The following ARHGEF37 variants were observed in gnomAD, a reference collection of about 807,000 sequenced individuals.
The protein encoded by ARHGEF37 is Rho guanine nucleotide exchange factor (GEF) 37.
A neutral mutation model predicts 71.1 loss-of-function variants in ARHGEF37; 55 were observed. The ratio of observed to expected loss-of-function variants is 0.77; its 90% confidence interval spans 0.62 to 0.97. ARHGEF37 has a LOEUF of 0.97. Ranked by LOEUF, ARHGEF37 falls within the 50% of genes least tolerant of loss-of-function variation. The pLI, the probability that ARHGEF37 is intolerant of heterozygous loss-of-function variation, is 0.00. For synonymous variants in ARHGEF37, 327 were observed against 350.6 expected (o/e 0.93, Z 0.75); for missense variants, 765 against 836.8 (o/e 0.91, Z 1.06).
chr5:149,556,653 C>T (rs1163698851), intron 1 of ARHGEF37, among the ~76,000 whole-genome samples: 2 of 152,086 alleles, frequency 1.3e-5, no homozygotes, highest in African/African-American at 4.8e-5. Flanking sequence ...TCCCAAAGTG[C>T]TGGGATTACA....
chr5:149,602,883 C>T lies in ARHGEF37; in HGVS notation c.310+1652C>T, dbSNP rs1260944989. Among the ~76,000 whole-genome samples, 3 of 152,100 alleles carry T rather than the reference C, an allele frequency of 2.0e-5. No homozygotes were observed. The East Asian group carries it at 5.8e-4, about 29-fold the overall frequency. On this transcript the variant is annotated intron_variant, in intron 3 of 12. Transcript: ENST00000333677. ...TACACCACCAATCTTCTAACCTTTC[C>T]TGAACACGAATGATGAGGATGCAGA...
chr5:149,568,227 A>G (rs759022554), intron 1 of ARHGEF37, among the ~76,000 whole-genome samples: 1 of 152,030 alleles, frequency 6.6e-6, no homozygotes, highest in Non-Finnish European at 1.5e-5. Context: ...GGGTTTCGCC[A>G]TATTGCCTAG....
Position 149,627,267 on chromosome 5 carries a change from C to CG in ARHGEF37, c.1660+1dup, listed in dbSNP as rs777034723. 6.2e-6 allele frequency: 10 copies of CG among 1,612,944 alleles called. No individual in the cohort carries two copies. The East Asian group carries it at 2.0e-4, about 32-fold the overall frequency. ...ACAGCGGCCGCTGGCTGGTGGACAC[C>CG]GGGGGTACGTGAGCCTTTGGGAGCC... On this transcript the variant is annotated frameshift_variant, in exon 11 of 13. Transcript: ENST00000333677. LOFTEE classifies it high-confidence loss of function.
intron 1 of ARHGEF37, among the ~76,000 whole-genome samples, chr5:149,569,612 AC>A (rs1298475767): frequency 1.3e-5 from 2 of 150,124 alleles, no homozygotes; most frequent in Admixed American, 1.3e-4. Context: ...GAGCCACCAC[AC>A]CCGGCCTTAT....
chr5:149,584,038 G>T (rs1763171866), intron 1 of ARHGEF37, among the ~76,000 whole-genome samples: 3 of 152,162 alleles, frequency 2.0e-5, no homozygotes, highest in Admixed American at 1.3e-4. Context: ...GGGATTACAG[G>T]CATGAGCCAC....
intron 3 of ARHGEF37, among the ~76,000 whole-genome samples, chr5:149,607,858 C>T (rs1227821677): frequency 1.3e-5 from 2 of 148,634 alleles, no homozygotes; most frequent in African/African-American, 5.0e-5. Flanking sequence ...GCTCCGCCTC[C>T]TGGGTTCACG....
At chr5:149,587,894 CTTT>C (rs3994917) in intron 1 of ARHGEF37, among the ~76,000 whole-genome samples, 32,688 of 128,510 alleles carry the variant, frequency 0.25, 3,761 homozygotes, top group African/African-American at 0.37. Context: ...TCCCTTTAGT[CTTT>C]TTTTTTTTTT....
At position 149,632,162 on chromosome 5, in the gene ARHGEF37, G is replaced by T; in HGVS notation, c.1999G>T (p.Val667Phe). 1 of 1,614,262 alleles carries T rather than the reference G, an allele frequency of 6.2e-7. No homozygotes were observed. The highest frequency in any genetic ancestry group is 8.5e-7 in the Non-Finnish European group (1 of 1,180,050). The change falls in exon 13 of 13, where the codon GTT becomes TTT. Residue 667 changes from valine (V) to phenylalanine (F), a missense_variant. Val to Phe is a conservative substitution (Grantham distance 50). This residue lies in a region of ARHGEF37 where 390 missense variants were observed against 407.4 expected (regional missense o/e 0.96). Coordinates refer to ENST00000333677, the MANE Select transcript of ARHGEF37 (RefSeq NM_001001669.3). ...SGFLARARSPVLWGWSLPS is the reference protein window; with the variant it reads ...SGFLARARSPFLWGWSLPS ...CTTCTTGGCCAGGGCTCGGAGCCCA[G>T]TTCTGTGGGGCTGGAGTCTGCCCTC...
At chr5:149,566,654 A>G (rs1762904025) in intron 1 of ARHGEF37, among the ~76,000 whole-genome samples, 2 of 152,200 alleles carry the variant, frequency 1.3e-5, no homozygotes, top group Non-Finnish European at 2.9e-5. Flanking sequence ...AACTTGTCCA[A>G]AGTTACAAAA....
At position 149,618,291 on chromosome 5, in the gene ARHGEF37, G is replaced by A. The variant is rs774494105; in HGVS notation, c.774G>A (p.Ala258=). The change falls in exon 6 of 13, where the codon GCG becomes GCA. Residue 258 remains alanine (A), a synonymous_variant. Coordinates refer to ENST00000333677, the MANE Select transcript of ARHGEF37 (RefSeq NM_001001669.3). The stretch of plus-strand genomic sequence containing the variant: ...TGAGCCAGCTGCTGAAGCAGGAGGC[G>A]GGGCTGATCCCCAGGGTGAGCGTGC... ...TRLSQLLKQE[A]GLIPRTEDKE... 50 of 1,614,054 alleles carry A rather than the reference G, an allele frequency of 3.1e-5. No individual in the cohort carries two copies. The highest frequency in any genetic ancestry group is 2.2e-4 in the Admixed American group (13 of 60,010).
intron 12 of ARHGEF37, among the ~76,000 whole-genome samples, 161 bp downstream of exon 12, chr5:149,629,127 G>A (rs1752799215): frequency 6.6e-6 from 1 of 152,208 alleles, no homozygotes; most frequent in Non-Finnish European, 1.5e-5. Context: ...TCCCAGCCAG[G>A]AGTGGGACCT....
chr5:149,552,953 G>C (rs999173435), intron 1 of ARHGEF37, among the ~76,000 whole-genome samples: 4 of 152,188 alleles, frequency 2.6e-5, no homozygotes, highest in Non-Finnish European at 4.4e-5. Context: ...AGAGAGAGGG[G>C]AGGAGACTTC....
intron 2 of ARHGEF37, among the ~76,000 whole-genome samples, chr5:149,598,326 T>TTCTTC (rs771004424): frequency 3.4e-5 from 3 of 87,874 alleles, no homozygotes; most frequent in Non-Finnish European, 4.6e-5. Context: ...CTTCTTCTTC[T>TTCTTC]TTCTTCCTCT....
chr5:149,600,524 A>T lies in ARHGEF37; in HGVS notation c.187-584A>T, dbSNP rs140960008. 1.5e-3 allele frequency among the ~76,000 whole-genome samples: 224 copies of T among 152,348 alleles called. 4 individuals carry two copies. Among genetic ancestry groups the T allele is most frequent in the Non-Finnish European group, 2.5e-3 (169 of 68,032 alleles). On this transcript the variant is annotated intron_variant, in intron 2 of 12. Transcript: ENST00000333677. ...CTAACTTCTCACCCTTCAATGACAGATGGGGAAACTGAGAGAAGCTAGCTG... is the reference window on the plus strand; with the variant it reads ...CTAACTTCTCACCCTTCAATGACAGTTGGGGAAACTGAGAGAAGCTAGCTG...
At chr5:149,598,757 T>TATATATATATATATATATATATAGAG (rs1763655909) in intron 2 of ARHGEF37, among the ~76,000 whole-genome samples, 1 of 74,776 alleles carries the variant, frequency 1.3e-5, no homozygotes, top group African/African-American at 5.1e-5. Context: ...TATCTATATA[T>TATATATATATATATATATATATAGAG]AGATATAGAT....
At chr5:149,621,511 C>G (rs956897153) in intron 8 of ARHGEF37, among the ~76,000 whole-genome samples, 1 of 152,134 alleles carries the variant, frequency 6.6e-6, no homozygotes, top group African/African-American at 2.4e-5. Flanking sequence ...GATTGAATGC[C>G]TACTCTGTGC....
chr5:149,621,990 G>C lies in ARHGEF37; in HGVS notation c.1263G>C (p.Met421Ile), dbSNP rs772724355. The change falls in exon 9 of 13, where the codon ATG becomes ATC. Residue 421 changes from methionine to isoleucine, a missense_variant. Met to Ile is a conservative substitution (Grantham distance 10). Transcript: ENST00000333677. Reference protein sequence around the residue: ...QLVMQWLGQIMCTFVTLQRDL... With the variant: ...QLVMQWLGQIICTFVTLQRDL... ...TCATGCAGTGGCTGGGCCAGATCAT[G>C]TGCACATTCGTGACCCTCCAGAGGG... 1.2e-6 allele frequency: 2 copies of C among 1,614,178 alleles called. No homozygotes were observed. The highest frequency in any genetic ancestry group is 1.7e-5 in the Admixed American group (1 of 60,008).
At chr5:149,580,685 C>T (rs1238273818), upstream of ARHGEF37, among the ~76,000 whole-genome samples, 3 of 152,050 alleles carry the variant, frequency 2.0e-5, no homozygotes, top group Non-Finnish European at 4.4e-5. Context: ...TAGTATAGCG[C>T]CTGGCCCTTA....
In ARHGEF37 at chr5:149,630,248, G is replaced by A. The variant is rs149295505; in HGVS notation, c.1818+1282G>A. Among the ~76,000 whole-genome samples, 465 of 152,308 alleles carry A rather than the reference G, an allele frequency of 3.1e-3. 4 individuals are homozygous for A. The highest frequency in any genetic ancestry group is 0.011 in the African/African-American group (454 of 41,568). On this transcript the variant is annotated intron_variant, in intron 12 of 12. Coordinates refer to ENST00000333677, the MANE Select transcript of ARHGEF37 (RefSeq NM_001001669.3). ...CTAAGGGATTTGGCTTTGCAGGGATGGAGTCCATGAGCGGGGAAGAAGTTC... is the reference window on the plus strand; with the variant it reads ...CTAAGGGATTTGGCTTTGCAGGGATAGAGTCCATGAGCGGGGAAGAAGTTC...
Sources: allele counts gnomAD v4.1 joint callset (sites outside exome capture counted in the v4.1 genomes callset), GRCh38; gene constraint gnomAD v4.1.1; regional missense constraint gnomAD v4.1.1; transcripts MANE v1.5; gene names NCBI Gene and HGNC (gene_info 2026-07-23, HGNC 2026-07-21).